SHOC1: variants seen among roughly 807,000 people sequenced by gnomAD.
The protein encoded by SHOC1 is shortage in chiasmata 1, also known as protein shortage in chiasmata 1 ortholog.
Under a neutral mutation model 179.2 loss-of-function variants are expected in SHOC1, and 136 were observed. The observed-to-expected ratio is 0.76, with a 90% CI of 0.66 to 0.87. The LOEUF is 0.87. SHOC1 is among the 40% of genes least tolerant of loss of function. The probability of loss-of-function intolerance (pLI) is 0.00; values close to 1 mark genes in which losing one functional copy is unlikely to be tolerated. For missense variants in SHOC1, 1,538 were observed against 1,700.8 expected, an observed-to-expected ratio of 0.90 and a Z score of 1.68; for synonymous variants, 489 against 586.6, an observed-to-expected ratio of 0.83 and a Z score of 2.41.
At chr9:111,695,086 GA>G (rs67152576) in intron 24 of SHOC1, among the ~76,000 whole-genome samples, 87,500 of 151,848 alleles carry the variant, frequency 0.58, 26,779 homozygotes, top group East Asian at 0.8. Context: ...TCTCTCTTCT[GA>G]AATGTCAACC....
At position 111,691,569 on chromosome 9, in the gene SHOC1, C is replaced by T. The variant is rs1230004556; in HGVS notation, c.4408G>A (p.Asp1470Asn). The change falls in exon 27 of 28, where the codon GAC becomes AAC. Residue 1470 changes from aspartate to asparagine, a missense_variant. By Grantham distance (23) the Asp-to-Asn change is conservative. Transcript: ENST00000682961. ...RHHESSFNSGDKESLTGFMCS... is the reference protein window; with the variant it reads ...RHHESSFNSGNKESLTGFMCS... Reference sequence around the variant, plus strand: ...GTGTTACCTGTTAATGATTCCTTGTCTCCTGAGTTAAATGAAGATTCATGG... The same window carrying T: ...GTGTTACCTGTTAATGATTCCTTGTTTCCTGAGTTAAATGAAGATTCATGG... 4.3e-6 allele frequency: 7 copies of T among 1,612,424 alleles called. No individual in the cohort carries two copies. The highest frequency in any genetic ancestry group is 5.9e-6 in the Non-Finnish European group (7 of 1,179,370).
chr9:111,700,158 G>T, intron 23 of SHOC1, 111 bp from the exon 24 acceptor site: 2 of 606,600 alleles, frequency 3.3e-6, no homozygotes, highest in South Asian at 3.4e-5. Context: ...ACCTAGCTAA[G>T]ACAATACTAG....
intron 19 of SHOC1, among the ~76,000 whole-genome samples, chr9:111,707,364 A>G (rs1282991670): frequency 7.0e-6 from 1 of 143,058 alleles, no homozygotes; most frequent in Non-Finnish European, 1.5e-5. Flanking sequence ...TTTGATTTAC[A>G]TTTTTAAAAT....
chr9:111,780,793 A>G (rs975813139), intron 4 of SHOC1, 137 bp downstream of exon 4: 1 of 562,756 alleles, frequency 1.8e-6, no homozygotes, highest in African/African-American at 1.9e-5. Context: ...GGTTCAAATT[A>G]GGACCTTTTC....
chr9:111,705,364 C>G lies in SHOC1; in HGVS notation c.2738G>C (p.Arg913Thr). Residue 913 changes from arginine (R) to threonine (T), a missense_variant and splice_region_variant, in exon 21 of 28, where the codon AGA becomes ACA. Arg to Thr is a moderately conservative substitution (Grantham distance 71, BLOSUM62 -1). Transcript: ENST00000682961. ...TCCAAATCTATCCAGCAAGGTGCTTCCTAAATAAGAGAAAATTTATAAATA... is the reference window on the plus strand; with the variant it reads ...TCCAAATCTATCCAGCAAGGTGCTTGCTAAATAAGAGAAAATTTATAAATA... The part of the protein sequence containing the change: ...KVILPDTVLE[R>T]STLLDRFGGF... 1 of 1,448,524 alleles carries G rather than the reference C, an allele frequency of 6.9e-7. No homozygotes were observed. The highest frequency in any genetic ancestry group is 9.2e-7 in the Non-Finnish European group (1 of 1,084,722). 89.7% of individuals were successfully genotyped at this position (1,448,524 alleles called of 1,614,324 possible).
chr9:111,746,066 T>C (rs1026119485), intron 10 of SHOC1, among the ~76,000 whole-genome samples, 168 bp downstream of exon 10: 1 of 152,194 alleles, frequency 6.6e-6, no homozygotes, highest in Non-Finnish European at 1.5e-5. Flanking sequence ...TAAAACCAAA[T>C]ATATACATAA....
intron 5 of SHOC1, among the ~76,000 whole-genome samples, chr9:111,771,215 T>C (rs780562419): frequency 1.3e-4 from 20 of 152,250 alleles, no homozygotes; most frequent in South Asian, 1.0e-3. Flanking sequence ...CAAAAAACAT[T>C]GTATAGATAT....
At chr9:111,758,567 C>A in intron 6 of SHOC1, 128 bp downstream of exon 6, 1 of 851,916 alleles carries the variant, frequency 1.2e-6, no homozygotes, top group Non-Finnish European at 1.7e-6. Flanking sequence ...CCAGCCTGGG[C>A]GACAGAGCAA....
intron 27 of SHOC1, among the ~76,000 whole-genome samples, chr9:111,689,749 T>C (rs1831346686): frequency 1.3e-5 from 2 of 152,150 alleles, no homozygotes; most frequent in South Asian, 4.1e-4. Flanking sequence ...TATTATTTTA[T>C]AGAGTATGTG....
chr9:111,781,510 G>T (rs1283022319), intron 3 of SHOC1, among the ~76,000 whole-genome samples: 1 of 152,120 alleles, frequency 6.6e-6, no homozygotes, highest in Non-Finnish European at 1.5e-5. Context: ...ATCACTTGAG[G>T]CCAGGAGTTC....
chr9:111,707,180 A>G (rs1258073001), intron 19 of SHOC1, among the ~76,000 whole-genome samples: 1 of 152,062 alleles, frequency 6.6e-6, no homozygotes, highest in Non-Finnish European at 1.5e-5. Context: ...AACAACAACA[A>G]AAAAGATGGA....
intron 2 of SHOC1, 93 bp from the exon 3 acceptor site, chr9:111,786,128 A>C: frequency 1.1e-6 from 1 of 922,526 alleles, no homozygotes. Context: ...TGAAACTTAT[A>C]TGATTTTTCT....
chr9:111,713,748 G>T (rs1456624006), intron 17 of SHOC1, among the ~76,000 whole-genome samples: 2 of 152,064 alleles, frequency 1.3e-5, no homozygotes, highest in Non-Finnish European at 2.9e-5. Flanking sequence ...TGCTTGATAA[G>T]ATTTTAAAAA....
intron 26 of SHOC1, among the ~76,000 whole-genome samples, chr9:111,692,801 T>A (rs2065102): frequency 0.58 from 87,584 of 152,030 alleles, 26,812 homozygotes; most frequent in East Asian, 0.8. Flanking sequence ...CATACATGAA[T>A]ACTATTTCCT....
chr9:111,702,506 C>T (rs549505355), intron 22 of SHOC1, among the ~76,000 whole-genome samples: 2 of 152,330 alleles, frequency 1.3e-5, no homozygotes, highest in South Asian at 2.1e-4. Flanking sequence ...CCTAGTTTGG[C>T]ACGCCATAGG....
chr9:111,697,370 T>G lies in SHOC1; in HGVS notation c.3183+2584A>C, dbSNP rs559383883. ...CGCCACCCCACGACAGGCCCCGGTG[T>G]GTGATGTTCCCCATCCTGTGTCCAA... On this transcript the variant is annotated intron_variant, in intron 24 of 27. Coordinates refer to ENST00000682961, the MANE Select transcript of SHOC1 (RefSeq NM_001378211.1). Among the ~76,000 whole-genome samples, 165 of 152,206 alleles carry G rather than the reference T, an allele frequency of 1.1e-3. 1 individual carries two copies. Among genetic ancestry groups the G allele is most frequent in the Middle Eastern group, 0.01 (3 of 294 alleles).
chr9:111,731,140 TTGTGG>T (rs201205084), intron 12 of SHOC1, among the ~76,000 whole-genome samples: 2,016 of 152,324 alleles, frequency 0.013, 55 homozygotes, highest in African/African-American at 0.046. Flanking sequence ...TAAGGGAATA[TTGTGG>T]CTGGTTTGAT....
At chr9:111,770,468 G>A (rs1835558128) in intron 5 of SHOC1, among the ~76,000 whole-genome samples, 1 of 152,038 alleles carries the variant, frequency 6.6e-6, no homozygotes, top group African/African-American at 2.4e-5. Flanking sequence ...TATTCCATGT[G>A]CTGATGAAAA....
At chr9:111,783,178 T>C (rs1836137158) in intron 3 of SHOC1, among the ~76,000 whole-genome samples, 1 of 152,216 alleles carries the variant, frequency 6.6e-6, no homozygotes, top group Admixed American at 6.5e-5. Context: ...ACTTCTCCCA[T>C]AAGTTAGTCC....
Sources: gnomAD v4.1 joint callset for allele counts (sites outside exome capture counted in the v4.1 genomes callset) on GRCh38, gnomAD v4.1.1 for gene constraint, MANE v1.5 for transcripts, NCBI Gene and HGNC (gene_info 2026-07-23, HGNC 2026-07-21) for gene names.